KTN1: variants seen among roughly 807,000 people sequenced by gnomAD.
KTN1 encodes the protein kinectin.
Under a neutral mutation model 222.5 loss-of-function variants are expected in KTN1, and 130 were observed. That is an observed-to-expected ratio of 0.58 (90% confidence interval 0.51 to 0.68). KTN1 has a LOEUF of 0.68. KTN1 is among the 30% of genes least tolerant of loss of function. KTN1 has a pLI of 0.00. For missense variants in KTN1, 1,508 were observed against 1,500.4 expected, an observed-to-expected ratio of 1.01 and a Z score of -0.08; for synonymous variants, 512 against 496.3, an observed-to-expected ratio of 1.03 and a Z score of -0.42.
At chr14:55,628,100 A>G (rs780013731) in intron 6 of KTN1, 72 bp downstream of exon 6, 41 of 922,814 alleles carry the variant, frequency 4.4e-5, no homozygotes, top group Non-Finnish European at 6.9e-5. Flanking sequence ...GAAATTGTCC[A>G]TAATCAGTAG....
intron 40 of KTN1, chr14:55,673,999 GA>G (rs1459624841): frequency 6.6e-6 from 1 of 151,762 alleles, no homozygotes; most frequent in Non-Finnish European, 1.5e-5. Flanking sequence ...ACAGGGATTA[GA>G]TTTTTTTTTT....
intron 1 of KTN1, among the ~76,000 whole-genome samples, chr14:55,583,919 GCT>G (rs2032336019): frequency 6.6e-6 from 1 of 152,124 alleles, no homozygotes; most frequent in African/African-American, 2.4e-5. Flanking sequence ...GGCATTCTGT[GCT>G]CTGTCTTATC....
chr14:55,671,697 A>G (rs759040774), intron 36 of KTN1, 42 bp downstream of exon 36: 3 of 1,550,974 alleles, frequency 1.9e-6, no homozygotes, highest in Non-Finnish European at 2.7e-6. Flanking sequence ...TTTACTTTAA[A>G]TCATTACCTT....
chr14:55,680,477 C>G (rs1179788460), intron 43 of KTN1: 1 of 375,210 alleles, frequency 2.7e-6, no homozygotes, highest in Non-Finnish European at 5.4e-6. Flanking sequence ...CTGAATACTT[C>G]AGATATTCTT....
rs776732220 is a variant in KTN1, at chr14:55,659,720, A to AGT, written c.2999+18_2999+19dup. The AGT allele has an allele frequency of 1.0e-5, 14 of 1,397,706 alleles. No individual in the cohort carries two copies. In the South Asian group the frequency reaches 1.6e-4, roughly 16 times the overall value. The allele number at this position is 1,397,706 out of a possible 1,614,324, so 86.6% of individuals were successfully genotyped here. On this transcript the variant is annotated intron_variant, in intron 31 of 43. Coordinates refer to ENST00000395314, the MANE Select transcript of KTN1 (RefSeq NM_001079521.2). ...ATTAAAAGTGTAAGTAATAAGTTTG[A>AGT]GTCACAGTTTATAAAGTCGTAACTA...
intron 1 of KTN1, among the ~76,000 whole-genome samples, chr14:55,604,176 C>T (rs558414077): frequency 3.3e-5 from 5 of 152,088 alleles, no homozygotes; most frequent in Admixed American, 2.6e-4. Context: ...TCTCTTTGAC[C>T]TCATCAGTTT....
At position 55,646,866 on chromosome 14, in the gene KTN1, A is replaced by G. The variant is rs1595079946; in HGVS notation, c.2173-107A>G. ...GATAAGTTATTGTCCTAAATTTTGT[A>G]TCTATTTAATAACCCTAAACAATTT... On this transcript the variant is annotated intron_variant, in intron 18 of 43. Transcript: ENST00000395314. 10 of 705,082 alleles carry G rather than the reference A, an allele frequency of 1.4e-5. No homozygotes were observed. The East Asian group carries it at 2.1e-4, about 15-fold the overall frequency. 43.7% of individuals were successfully genotyped at this position (705,082 alleles called of 1,614,324 possible).
rs752597184 is a variant in KTN1, at chr14:55,585,131, C to CAAA, written c.-31+4800_-31+4802dup. On this transcript the variant is annotated intron_variant, in intron 1 of 43. Coordinates refer to ENST00000395314, the MANE Select transcript of KTN1 (RefSeq NM_001079521.2). ...TGGGTGACAGAGTGAGACTGTGTCTCAAAAAAAAAAAAAAAAAAAAAAAAA... is the reference window on the plus strand; with the variant it reads ...TGGGTGACAGAGTGAGACTGTGTCTCAAAAAAAAAAAAAAAAAAAAAAAAAAAA... 2.0e-3 allele frequency among the ~76,000 whole-genome samples: 109 copies of CAAA among 54,468 alleles called. 1 individual carries two copies. The highest frequency in any genetic ancestry group is 6.8e-3 in the African/African-American group (97 of 14,226). 35.7% of individuals were successfully genotyped at this position (54,468 alleles called of 152,430 possible).
In KTN1 at chr14:55,607,298, A is replaced by G. The variant is rs543957834; in HGVS notation, c.-30-4721A>G. 12 of 152,288 alleles carry G rather than the reference A, an allele frequency of 7.9e-5. No homozygotes were observed. The Middle Eastern group carries it at 0.01, about 129-fold the overall frequency. 9.4% of individuals were successfully genotyped at this position (152,288 alleles called of 1,614,324 possible). On this transcript the variant is annotated intron_variant, in intron 1 of 43. Coordinates refer to ENST00000395314, the MANE Select transcript of KTN1 (RefSeq NM_001079521.2). Reference sequence around the variant, plus strand: ...TATTTGTAATACGTACTCTGACGAAACACGACTTACATATTATGCGTGTTA... The same window carrying G: ...TATTTGTAATACGTACTCTGACGAAGCACGACTTACATATTATGCGTGTTA...
chr14:55,653,465 G>A lies in KTN1; in HGVS notation c.2764-94G>A, dbSNP rs574670025. On this transcript the variant is annotated intron_variant, in intron 27 of 43. Transcript: ENST00000395314. The stretch of plus-strand genomic sequence containing the variant: ...ATTTACTGCATATAATTATGTTTTT[G>A]TTTTTATTGGTGGGTGATTCCATAT... 6.6e-6 allele frequency: 6 copies of A among 910,346 alleles called. No individual in the cohort carries two copies. The South Asian group carries it at 9.8e-5, about 15-fold the overall frequency. 56.4% of individuals were successfully genotyped at this position (910,346 alleles called of 1,614,324 possible).
intron 18 of KTN1, 99 bp from the exon 19 acceptor site, chr14:55,646,874 A>T: frequency 1.3e-6 from 1 of 757,588 alleles, no homozygotes; most frequent in Non-Finnish European, 2.3e-6. Flanking sequence ...GTATCTATTT[A>T]ATAACCCTAA....
At chr14:55,631,526 G>T (rs1216838681) in intron 7 of KTN1, among the ~76,000 whole-genome samples, 1 of 151,774 alleles carries the variant, frequency 6.6e-6, no homozygotes, top group Non-Finnish European at 1.5e-5. Context: ...TAGGTGCCGT[G>T]GCTCATGTCT....
chr14:55,585,545 G>C (rs548106274), intron 1 of KTN1, among the ~76,000 whole-genome samples: 1 of 152,022 alleles, frequency 6.6e-6, no homozygotes, highest in African/African-American at 2.4e-5. Context: ...TTCTAGTATT[G>C]GTTTCTTTAA....
chr14:55,634,570 TG>T lies in KTN1; in HGVS notation c.1375del (p.Val459Ter). 6.2e-7 allele frequency: 1 copy of T among 1,613,872 alleles called. No homozygotes were observed. Among genetic ancestry groups the T allele is most frequent in the Non-Finnish European group, 8.5e-7 (1 of 1,179,878 alleles). On this transcript the variant is annotated frameshift_variant, in exon 9 of 44. Coordinates refer to ENST00000395314, the MANE Select transcript of KTN1 (RefSeq NM_001079521.2). LOFTEE classifies it high-confidence loss of function. ...LNKLRQDYAR[L>X]VNELTEKTGK... ...AAACTACGCCAGGATTATGCTAGGT[TG>T]GTGAATGAGCTGACTGAGAAAACAG...
intron 1 of KTN1, among the ~76,000 whole-genome samples, chr14:55,584,699 T>C (rs1245776347): frequency 1.3e-5 from 2 of 151,688 alleles, no homozygotes; most frequent in African/African-American, 2.4e-5. Flanking sequence ...GTTTATTGTC[T>C]CTTCCACATA....
At chr14:55,668,462 T>G (rs1388015603) in intron 34 of KTN1, 2 of 152,118 alleles carry the variant, frequency 1.3e-5, no homozygotes, top group East Asian at 3.8e-4. Context: ...GTTCCTCTTT[T>G]CTTTATGTAT....
rs1342038362 is a variant in KTN1 at position 55,671,585 on chromosome 14, A to G, written c.3368A>G (p.Lys1123Arg). 2.5e-6 allele frequency: 4 copies of G among 1,611,676 alleles called. No individual in the cohort carries two copies. The highest frequency in any genetic ancestry group is 3.4e-6 in the Non-Finnish European group (4 of 1,179,228). ...TTGCAGGTTCTAGAGCACAAGTTGA[A>G]AGAAGCTGATGAAATGCACACATTG... ...EEVKVLEHKL[K>R]EADEMHTLLQ... Residue 1123 changes from lysine to arginine, a missense_variant, in exon 36 of 44, where the codon AAA (lysine) becomes AGA (arginine). Physicochemically the swap from Lys to Arg is conservative, Grantham distance 26. Coordinates refer to ENST00000395314, the MANE Select transcript of KTN1 (RefSeq NM_001079521.2).
Position 55,656,138 on chromosome 14 carries a change from T to C in KTN1, c.2892+6T>C, listed in dbSNP as rs1248771970. 6.5e-7 allele frequency: 1 copy of C among 1,538,620 alleles called. No homozygotes were observed. Among genetic ancestry groups the C allele is most frequent in the Non-Finnish European group, 8.9e-7 (1 of 1,122,768 alleles). ...GCAAAACACAGCTGTTACAGGTGAATATGGTGACTTAAAATTAATTATTTT... is the reference window on the plus strand; with the variant it reads ...GCAAAACACAGCTGTTACAGGTGAACATGGTGACTTAAAATTAATTATTTT... On this transcript the variant is annotated splice_donor_region_variant and intron_variant, in intron 29 of 43. Transcript: ENST00000395314.
rs181187050 is a variant in KTN1 at position 55,603,254 on chromosome 14, C to A, written c.-30-8765C>A. 1.8e-3 allele frequency among the ~76,000 whole-genome samples: 274 copies of A among 152,158 alleles called. 1 individual carries two copies. Among genetic ancestry groups the A allele is most frequent in the Admixed American group, 3.1e-3 (47 of 15,276 alleles). ...TAACCTCATATTCTCCTCCAAGTTC[C>A]ATCTTATTTCTCTGCATCCTTTCAT... is the stretch of plus-strand genomic sequence containing the variant. On this transcript the variant is annotated intron_variant, in intron 1 of 43. Coordinates refer to ENST00000395314, the MANE Select transcript of KTN1 (RefSeq NM_001079521.2).
Sources: allele counts gnomAD v4.1 joint callset (sites outside exome capture counted in the v4.1 genomes callset), GRCh38; gene constraint gnomAD v4.1.1; transcripts MANE v1.5; gene names NCBI Gene and HGNC (gene_info 2026-07-23, HGNC 2026-07-21).